Variants in STXBP5L observed in about 807,000 individuals in gnomAD.
STXBP5L encodes the protein syntaxin binding protein 5L.
Under a neutral mutation model 144.5 loss-of-function variants are expected in STXBP5L, and 65 were observed. The observed-to-expected ratio is 0.45, with a 90% CI of 0.37 to 0.55. The LOEUF (loss-of-function observed/expected upper bound fraction) is 0.55, where lower values mean the gene tolerates loss of function less well. Ranked by LOEUF, STXBP5L falls within the 20% of genes least tolerant of loss-of-function variation. The pLI is 0.00. For synonymous variants in STXBP5L, 505 were observed against 469.6 expected (o/e 1.08, Z -0.97); for missense variants, 1,298 against 1,405.5 (o/e 0.92, Z 1.22).
chr3:120,985,400 C>A (rs927611638), intron 3 of STXBP5L, among the ~76,000 whole-genome samples: 1 of 151,986 alleles, frequency 6.6e-6, no homozygotes, highest in Admixed American at 6.6e-5. Flanking sequence ...ATATCCAGCA[C>A]CTGAAATATG....
chr3:121,317,329 T>C (rs1188048051), intron 19 of STXBP5L, among the ~76,000 whole-genome samples: 1 of 152,200 alleles, frequency 6.6e-6, no homozygotes, highest in Non-Finnish European at 1.5e-5. Context: ...TTTCAAGCTA[T>C]GTTATTGACT....
At chr3:121,087,343 T>A (rs1381636669) in intron 5 of STXBP5L, among the ~76,000 whole-genome samples, 1 of 152,094 alleles carries the variant, frequency 6.6e-6, no homozygotes, top group East Asian at 1.9e-4. Flanking sequence ...ATGTTTTATT[T>A]AATGTATTTT....
chr3:121,099,093 C>A (rs1044492865), intron 5 of STXBP5L: 1 of 152,136 alleles, frequency 6.6e-6, no homozygotes, highest in African/African-American at 2.4e-5. Context: ...TACATTTCAC[C>A]ATCAGCCTCA....
chr3:121,157,435 T>C (rs2046156084), intron 8 of STXBP5L, 69 bp from the exon 9 acceptor site: 1 of 1,420,584 alleles, frequency 7.0e-7, no homozygotes, highest in African/African-American at 1.5e-5. Flanking sequence ...AGTTTTTCTT[T>C]GGAATATAGA....
rs563156004 is a variant in STXBP5L at position 121,248,255 on chromosome 3, G to C, written c.1401-2468G>C. ...ATTTTTGCACTTTTAGTAGAGACAGGGTTTCACCATTTTGGCCAGGCTGGT... is the reference window on the plus strand; with the variant it reads ...ATTTTTGCACTTTTAGTAGAGACAGCGTTTCACCATTTTGGCCAGGCTGGT... On this transcript the variant is annotated intron_variant, in intron 14 of 26. Coordinates refer to ENST00000471454, the MANE Select transcript of STXBP5L (RefSeq NM_001308330.2). Among the ~76,000 whole-genome samples the C allele has an allele frequency of 2.0e-5, 3 of 152,214 alleles. No homozygotes were observed. In the South Asian group the frequency reaches 6.2e-4, roughly 32 times the overall value.
chr3:121,128,572 C>T (rs567262938), intron 7 of STXBP5L, among the ~76,000 whole-genome samples: 8 of 152,082 alleles, frequency 5.3e-5, no homozygotes, highest in Admixed American at 5.3e-4. Flanking sequence ...AGCCAGGTTC[C>T]ATAATATTCA....
At chr3:120,926,959 G>A (rs1223976903) in intron 2 of STXBP5L, among the ~76,000 whole-genome samples, 1 of 137,434 alleles carries the variant, frequency 7.3e-6, no homozygotes, top group African/African-American at 2.8e-5. Flanking sequence ...TTTTTGAGAT[G>A]GAGTCTCCCT....
At chr3:121,080,885 T>G (rs1658668430) in intron 5 of STXBP5L, among the ~76,000 whole-genome samples, 1 of 152,214 alleles carries the variant, frequency 6.6e-6, no homozygotes, top group African/African-American at 2.4e-5. Flanking sequence ...TTATTTGAGC[T>G]TCTTGTATTT....
chr3:121,211,108 G>A (rs1267052797), intron 10 of STXBP5L, among the ~76,000 whole-genome samples: 4 of 152,084 alleles, frequency 2.6e-5, no homozygotes, highest in African/African-American at 9.7e-5. Context: ...TTATTTTGTT[G>A]AACAGTGGTT....
intron 3 of STXBP5L, among the ~76,000 whole-genome samples, chr3:121,017,922 C>G (rs961923964): frequency 7.2e-5 from 11 of 151,838 alleles, no homozygotes; most frequent in Admixed American, 7.2e-4. Flanking sequence ...CTAAACAAAA[C>G]CAAAAAAATA....
intron 2 of STXBP5L, among the ~76,000 whole-genome samples, chr3:120,913,576 A>T (rs1369517676): frequency 6.6e-6 from 1 of 152,104 alleles, no homozygotes; most frequent in Non-Finnish European, 1.5e-5. Flanking sequence ...TACAATTTAC[A>T]AATCATTTGA....
At chr3:121,203,144 T>C (rs1294842879) in intron 9 of STXBP5L, among the ~76,000 whole-genome samples, 1 of 152,016 alleles carries the variant, frequency 6.6e-6, no homozygotes, top group Non-Finnish European at 1.5e-5. Context: ...TCAAAATTGC[T>C]CTATTAAATG....
intron 15 of STXBP5L, 64 bp downstream of exon 15, chr3:121,250,827 A>G: frequency 7.1e-7 from 1 of 1,413,610 alleles, no homozygotes; most frequent in African/African-American, 1.4e-5. Flanking sequence ...GCCAGCTACC[A>G]CTTTTTAGTT....
chr3:121,007,467 T>G (rs1057359346), intron 3 of STXBP5L, among the ~76,000 whole-genome samples: 1 of 152,038 alleles, frequency 6.6e-6, no homozygotes, highest in Non-Finnish European at 1.5e-5. Context: ...TTTTTTTAAT[T>G]CCTTAAATGT....
In STXBP5L at chr3:121,378,855, C is replaced by T. The variant is rs1001160931; in HGVS notation, c.2316C>T (p.Cys772=). The T allele has an allele frequency of 6.2e-7, 1 of 1,613,532 alleles. No homozygotes were observed. Among genetic ancestry groups the T allele is most frequent in the Non-Finnish European group, 8.5e-7 (1 of 1,179,728 alleles). Residue 772 remains cysteine, a synonymous_variant, in exon 21 of 27, where the codon TGC becomes TGT. Transcript: ENST00000471454. ...TTCGAAAGGCCCAGTCAGCAGCCTGCATGGAGATTTCTTTACCAGTTACAA... is the reference window on the plus strand; with the variant it reads ...TTCGAAAGGCCCAGTCAGCAGCCTGTATGGAGATTTCTTTACCAGTTACAA... ...PPFRKAQSAA[C]MEISLPVTTE...
At chr3:121,019,543 G>T (rs989382604) in intron 3 of STXBP5L, among the ~76,000 whole-genome samples, 11 of 152,292 alleles carry the variant, frequency 7.2e-5, no homozygotes, top group African/African-American at 2.4e-4. Flanking sequence ...CTCCACTGGA[G>T]CAGGTCCTGG....
intron 9 of STXBP5L, among the ~76,000 whole-genome samples, chr3:121,178,532 G>A (rs887659415): frequency 6.6e-6 from 1 of 152,052 alleles, no homozygotes; most frequent in Non-Finnish European, 1.5e-5. Flanking sequence ...AAAAATAAAT[G>A]ATCTTCTACT....
intron 5 of STXBP5L, among the ~76,000 whole-genome samples, chr3:121,049,386 G>C (rs1459937214): frequency 6.6e-6 from 1 of 152,100 alleles, no homozygotes; most frequent in African/African-American, 2.4e-5. Context: ...AGGAGGCCTT[G>C]CTCAGTGAGA....
At chr3:121,339,786 TA>T (rs1307622317) in intron 20 of STXBP5L, among the ~76,000 whole-genome samples, 3 of 143,038 alleles carry the variant, frequency 2.1e-5, no homozygotes, top group Non-Finnish European at 4.6e-5. Flanking sequence ...GAGAATCAAA[TA>T]AAAAACTCAG....
Sources: allele counts gnomAD v4.1 joint callset (sites outside exome capture counted in the v4.1 genomes callset), GRCh38; gene constraint gnomAD v4.1.1; transcripts MANE v1.5; gene names NCBI Gene and HGNC (gene_info 2026-07-23, HGNC 2026-07-21).